The following KLF9 variants were observed in gnomAD, a reference collection of about 807,000 sequenced individuals.
KLF9 encodes the protein KLF transcription factor 9, also known as Krueppel-like factor 9.
In KLF9, 2 loss-of-function variants were observed where a neutral mutation model predicts 17.3. The observed-to-expected ratio is 0.12, with a 90% CI of 0.05 to 0.36. The LOEUF is 0.36. Among genes scored for constraint, KLF9 ranks in the 10% least tolerant of loss-of-function variants. The probability of loss-of-function intolerance (pLI) is 1.00; values close to 1 mark genes in which losing one functional copy is unlikely to be tolerated. For missense variants in KLF9, 226 were observed against 333.2 expected (o/e 0.68, Z 2.51); for synonymous variants, 138 against 139.2 (o/e 0.99, Z 0.06).
intron 1 of KLF9, among the ~76,000 whole-genome samples, chr9:70,395,935 AAAATAAAT>A (rs540894264): frequency 3.7e-4 from 57 of 152,286 alleles, no homozygotes; most frequent in African/African-American, 1.3e-3. Context: ...ACGCTGCCTC[AAAATAAAT>A]AAATAAATAA....
At chr9:70,402,343 A>T (rs2037227730) in intron 1 of KLF9, among the ~76,000 whole-genome samples, 2 of 152,288 alleles carry the variant, frequency 1.3e-5, no homozygotes, top group South Asian at 4.1e-4. Flanking sequence ...TTTGCCTCTT[A>T]TGATTTATTA....
In KLF9 at chr9:70,384,696, C is replaced by CA. The variant is rs2037097486; in HGVS notation, c.*3079dup. On this transcript the variant is annotated 3_prime_UTR_variant, in exon 2 of 2. Coordinates refer to ENST00000377126, the MANE Select transcript of KLF9 (RefSeq NM_001206.4). ...CTCTTTTATAATTTCATTTGATTTA[C>CA]AAAAACGGGACAGCAAAATAACTTA... 1 of 152,490 alleles carries CA rather than the reference C, an allele frequency of 6.6e-6. No individual in the cohort carries two copies. Among genetic ancestry groups the CA allele is most frequent in the African/African-American group, 2.4e-5 (1 of 41,418 alleles). The allele number at this position is 152,490 out of a possible 1,614,324, so 9.4% of individuals were successfully genotyped here.
At chr9:70,412,820 T>C in intron 1 of KLF9, 39 bp downstream of exon 1, 3 of 1,522,726 alleles carry the variant, frequency 2.0e-6, no homozygotes, top group South Asian at 2.6e-5. Context: ...AAAGGTTAAC[T>C]AACCCCAGAG....
intron 1 of KLF9, among the ~76,000 whole-genome samples, chr9:70,393,217 A>C (rs988954288): frequency 6.6e-6 from 1 of 152,186 alleles, no homozygotes; most frequent in African/African-American, 2.4e-5. Flanking sequence ...AGGGTGCAAG[A>C]ACAGTGGACT....
intron 1 of KLF9, among the ~76,000 whole-genome samples, chr9:70,388,375 G>A (rs761907598): frequency 2.0e-5 from 3 of 152,086 alleles, no homozygotes; most frequent in African/African-American, 4.8e-5. Context: ...CCAATGAAAC[G>A]AACCCGTCCC....
chr9:70,413,334 C>T lies in KLF9; in HGVS notation c.30G>A (p.Val10=). 2 of 1,582,464 alleles carry T rather than the reference C, an allele frequency of 1.3e-6. No homozygotes were observed. The highest frequency in any genetic ancestry group is 2.3e-5 in the South Asian group (2 of 88,408). The change falls in exon 1 of 2, where the codon GTG becomes GTA. Residue 10 remains valine, a synonymous_variant. Transcript: ENST00000377126. This position sits in a 1 kb window ranked among gnomAD's most constrained non-coding sequence, Gnocchi z 5.6. Reference sequence around the variant, plus strand: ...AAATGGAAACCAGACACTGGGCAGCCACGAAGTCCATGTAGGCGGCCGCGG... The same window carrying T: ...AAATGGAAACCAGACACTGGGCAGCTACGAAGTCCATGTAGGCGGCCGCGG... MSAAAYMDF[V]AAQCLVSISN...
At chr9:70,409,128 A>ATATGTGTG (rs1225387296) in intron 1 of KLF9, among the ~76,000 whole-genome samples, 3 of 75,784 alleles carry the variant, frequency 4.0e-5, no homozygotes, top group Non-Finnish European at 6.8e-5. Flanking sequence ...ATATGTATAT[A>ATATGTGTG]TGTATACATA....
At position 70,413,007 on chromosome 9, in the gene KLF9, G is replaced by A. The variant is rs956906565; in HGVS notation, c.357C>T (p.Ser119=). Residue 119 remains serine, a synonymous_variant, in exon 1 of 2, where the codon AGC becomes AGT. Transcript: ENST00000377126. This position sits in a 1 kb window ranked among gnomAD's most constrained non-coding sequence, Gnocchi z 5.6. ...GGAGGAGGGAGAGCGGGCTGGGCGC[G>A]CTGCCAGGATCCTGTCTCTCCTCCG... The part of the protein sequence containing the change: ...HSPEERQDPG[S]APSPLSLLHP... 2 of 1,614,152 alleles carry A rather than the reference G, an allele frequency of 1.2e-6. No homozygotes were observed. The highest frequency in any genetic ancestry group is 1.7e-6 in the Non-Finnish European group (2 of 1,180,026).
intron 1 of KLF9, among the ~76,000 whole-genome samples, chr9:70,408,772 G>A (rs927733304): frequency 6.6e-6 from 1 of 151,936 alleles, no homozygotes; most frequent in Non-Finnish European, 1.5e-5. Context: ...CTAAGTTAGA[G>A]TTGGCTAGTG....
intron 1 of KLF9, 92 bp downstream of exon 1, chr9:70,412,767 G>T: frequency 1.7e-6 from 2 of 1,210,334 alleles, no homozygotes; most frequent in Non-Finnish European, 2.3e-6. Flanking sequence ...GCACCCTTTC[G>T]GCCGAGTGCA....
At position 70,393,786 on chromosome 9, in the gene KLF9, C is replaced by T. The variant is rs1037919037; in HGVS notation, c.506-5781G>A. Among the ~76,000 whole-genome samples the T allele has an allele frequency of 6.6e-5, 10 of 152,160 alleles. No individual in the cohort carries two copies. The East Asian group carries it at 1.4e-3, about 21-fold the overall frequency. Reference sequence around the variant, plus strand: ...TTCTAGAAGAAAAATAATGCTCAGCCGCTCAAGATGGATCACTTGAACACA... The same window carrying T: ...TTCTAGAAGAAAAATAATGCTCAGCTGCTCAAGATGGATCACTTGAACACA... On this transcript the variant is annotated intron_variant, in intron 1 of 1. Coordinates refer to ENST00000377126, the MANE Select transcript of KLF9 (RefSeq NM_001206.4).
At chr9:70,399,227 C>T (rs1254621875) in intron 1 of KLF9, among the ~76,000 whole-genome samples, 2 of 152,162 alleles carry the variant, frequency 1.3e-5, no homozygotes, top group East Asian at 1.9e-4. Context: ...AAATTTTTAA[C>T]ACAATGAAGA....
At chr9:70,398,284 A>G (rs2037197317) in intron 1 of KLF9, among the ~76,000 whole-genome samples, 2 of 152,156 alleles carry the variant, frequency 1.3e-5, no homozygotes, top group African/African-American at 4.8e-5. Flanking sequence ...ATCTGTAGAA[A>G]GCAACTTGTC....
intron 1 of KLF9, among the ~76,000 whole-genome samples, chr9:70,406,916 C>T (rs988137472): frequency 8.9e-5 from 13 of 146,074 alleles, no homozygotes; most frequent in African/African-American, 3.3e-4. Context: ...AAAAAAAGAA[C>T]ACGGAAGATT....
chr9:70,401,642 G>A (rs1388749549), intron 1 of KLF9, among the ~76,000 whole-genome samples: 4 of 126,968 alleles, frequency 3.2e-5, no homozygotes, highest in African/African-American at 6.4e-5. Flanking sequence ...AGCTGAGATC[G>A]CACCACTGCA....
At chr9:70,388,037 C>A (rs1442025991) in intron 1 of KLF9, 32 bp from the exon 2 acceptor site, 1 of 1,569,150 alleles carries the variant, frequency 6.4e-7, no homozygotes, top group African/African-American at 1.4e-5. Context: ...GGATACAGCT[C>A]AAAGAACATG....
At chr9:70,407,998 AG>A (rs547146895) in intron 1 of KLF9, among the ~76,000 whole-genome samples, 35 of 152,210 alleles carry the variant, frequency 2.3e-4, no homozygotes, top group Non-Finnish European at 4.7e-4. Context: ...AGGTGAAAAA[AG>A]TCTTAGCTAT....
chr9:70,400,101 G>T (rs2037211402), intron 1 of KLF9, among the ~76,000 whole-genome samples: 1 of 152,140 alleles, frequency 6.6e-6, no homozygotes, highest in East Asian at 1.9e-4. Flanking sequence ...AGGTCCTCTT[G>T]GAAGCCCCAC....
chr9:70,388,696 A>G (rs1398411685), intron 1 of KLF9, among the ~76,000 whole-genome samples: 1 of 152,080 alleles, frequency 6.6e-6, no homozygotes, highest in Non-Finnish European at 1.5e-5. Context: ...CCAGCCTCCT[A>G]CCTGGAACGA....
Sources: allele counts gnomAD v4.1 joint callset (sites outside exome capture counted in the v4.1 genomes callset), GRCh38; gene constraint gnomAD v4.1.1; non-coding constraint Gnocchi (gnomAD v3.1); transcripts MANE v1.5; gene names NCBI Gene and HGNC (gene_info 2026-07-23, HGNC 2026-07-21).